The following SDK2 variants were observed in gnomAD, a reference collection of about 807,000 sequenced individuals.
SDK2 encodes sidekick cell adhesion molecule 2.
SDK2 carries 105 observed loss-of-function variants against 253.9 expected under a neutral mutation model. That is an observed-to-expected ratio of 0.41 (90% CI 0.35 to 0.49). The LOEUF (loss-of-function observed/expected upper bound fraction) is 0.49. SDK2 is among the 20% of genes least tolerant of loss of function. The pLI is 0.06. For missense variants in SDK2, 2,608 were observed against 3,003.0 expected, an observed-to-expected ratio of 0.87 and a Z score of 3.07; for synonymous variants, 1,249 against 1,234.9, an observed-to-expected ratio of 1.01 and a Z score of -0.24.
intron 3 of SDK2, among the ~76,000 whole-genome samples, chr17:73,468,968 GTGCA>G (rs2063623973): frequency 6.6e-6 from 1 of 151,740 alleles, no homozygotes; most frequent in African/African-American, 2.4e-5. Context: ...GGGATTAAAG[GTGCA>G]TGCCACCATG....
At chr17:73,515,851 A>G (rs780359931) in intron 1 of SDK2, among the ~76,000 whole-genome samples, 3 of 152,188 alleles carry the variant, frequency 2.0e-5, no homozygotes, top group African/African-American at 7.2e-5. Flanking sequence ...TACCTGTCTC[A>G]TCAGTGAAAC....
chr17:73,523,692 C>T (rs1009066616), intron 1 of SDK2, among the ~76,000 whole-genome samples: 5 of 152,036 alleles, frequency 3.3e-5, no homozygotes, highest in Non-Finnish European at 5.9e-5. Context: ...CAGAACTGCG[C>T]GACAAGAAAT....
chr17:73,608,786 C>G (rs2045938607), intron 1 of SDK2, among the ~76,000 whole-genome samples: 1 of 152,104 alleles, frequency 6.6e-6, no homozygotes, highest in Non-Finnish European at 1.5e-5. Context: ...AGCAGCTGCA[C>G]TAACAGCAGC....
At chr17:73,417,773 G>A (rs1052017810) in intron 16 of SDK2, among the ~76,000 whole-genome samples, 2 of 151,956 alleles carry the variant, frequency 1.3e-5, no homozygotes, top group African/African-American at 2.4e-5. Context: ...CTACCTACTC[G>A]ACCCATTTCT....
rs909191411 is a variant in SDK2, at chr17:73,555,400, G to A, written c.65-47803C>T. On this transcript the variant is annotated intron_variant, in intron 1 of 44. Transcript: ENST00000392650. Reference sequence around the variant, plus strand: ...GGAGTATTCCTGGCCTGGGGGAGGCGCCATTGGGAGCGGTGCACTGGACCT... The same window carrying A: ...GGAGTATTCCTGGCCTGGGGGAGGCACCATTGGGAGCGGTGCACTGGACCT... 6.6e-5 allele frequency among the ~76,000 whole-genome samples: 10 copies of A among 152,200 alleles called. No individual in the cohort carries two copies. The East Asian group carries it at 1.2e-3, about 18-fold the overall frequency.
Position 73,352,900 on chromosome 17 carries a change from T to C in SDK2, c.5594-263A>G, listed in dbSNP as rs950488084. ...TGAGGTTAGGAGTTCGAGACCAGCC[T>C]AGCCAACATGGTGAAACCCTGTCTC... On this transcript the variant is annotated intron_variant, in intron 40 of 44. Coordinates refer to ENST00000392650, the MANE Select transcript of SDK2 (RefSeq NM_001144952.2). The surrounding 1 kb of genome is among the most constrained non-coding windows in gnomAD (Gnocchi z 4.1). 7.2e-5 allele frequency among the ~76,000 whole-genome samples: 11 copies of C among 152,204 alleles called. No homozygotes were observed. Among genetic ancestry groups the C allele is most frequent in the Non-Finnish European group, 1.5e-5 (1 of 68,038 alleles).
chr17:73,463,296 T>C (rs906483743), intron 3 of SDK2, among the ~76,000 whole-genome samples: 3 of 152,212 alleles, frequency 2.0e-5, no homozygotes, highest in Admixed American at 1.3e-4. Flanking sequence ...ATTCCTGATG[T>C]CTTTGTCATA....
chr17:73,630,722 C>T (rs1262910883), intron 1 of SDK2, among the ~76,000 whole-genome samples: 1 of 152,154 alleles, frequency 6.6e-6, no homozygotes, highest in Admixed American at 6.5e-5. Flanking sequence ...CCTGGGGGCA[C>T]AGACAATGGG....
chr17:73,552,045 GTGCCGCTGCAGTCCCCACCGCC>G (rs1364170524), intron 1 of SDK2, among the ~76,000 whole-genome samples: 18 of 152,166 alleles, frequency 1.2e-4, no homozygotes. Context: ...AGTCAGGCAG[GTGCCGCTGCAGTCCCCACCGCC>G]TGCCCCCCAC....
chr17:73,382,855 AACG>A (rs2062842394), intron 33 of SDK2, among the ~76,000 whole-genome samples: 2 of 143,038 alleles, frequency 1.4e-5, no homozygotes, highest in South Asian at 2.1e-4. Context: ...CAACAACAAC[AACG>A]ACAACAACAA....
At chr17:73,530,383 A>G (rs1203909597) in intron 1 of SDK2, among the ~76,000 whole-genome samples, 1 of 152,100 alleles carries the variant, frequency 6.6e-6, no homozygotes. Flanking sequence ...AAAATCATCC[A>G]TCAGCTCTCA....
At chr17:73,627,245 GTTTTCA>G (rs920599989) in intron 1 of SDK2, among the ~76,000 whole-genome samples, 1 of 152,038 alleles carries the variant, frequency 6.6e-6, no homozygotes, top group African/African-American at 2.4e-5. Context: ...AATGCACATT[GTTTTCA>G]TTTTCATATC....
At chr17:73,391,801 T>C (rs2062930480) in intron 27 of SDK2, among the ~76,000 whole-genome samples, 1 of 152,232 alleles carries the variant, frequency 6.6e-6, no homozygotes, top group Admixed American at 6.5e-5. Context: ...ATTGTCTGTA[T>C]ACACGCCCCA....
intron 15 of SDK2, among the ~76,000 whole-genome samples, chr17:73,420,860 G>C (rs1243989778): frequency 6.6e-6 from 1 of 151,772 alleles, no homozygotes; most frequent in African/African-American, 2.4e-5. Flanking sequence ...ATTTTTAGTA[G>C]AGATGGGGTT....
rs114429753 is a variant in SDK2 at position 73,401,111 on chromosome 17, C to T, written c.2880G>A (p.Ala960=). 1,282 of 1,564,726 alleles carry T rather than the reference C, an allele frequency of 8.2e-4. 10 individuals carry two copies. In the African/African-American group the frequency reaches 0.015, roughly 19 times the overall value. Residue 960 remains alanine (A), a synonymous_variant, in exon 21 of 45, where the codon GCG becomes GCA. Coordinates refer to ENST00000392650, the MANE Select transcript of SDK2 (RefSeq NM_001144952.2). Reference sequence around the variant, plus strand: ...CCACCTCGATGGTGTAGGTGGTGAGCGCGGTGAGGCCCGTGACACGGTACT... The same window carrying T: ...CCACCTCGATGGTGTAGGTGGTGAGTGCGGTGAGGCCCGTGACACGGTACT... ...TLEYRVTGLT[A]LTTYTIEVAA... is the part of the protein sequence containing the mutation.
rs117971083 is a variant in SDK2 at position 73,391,617 on chromosome 17, C to T, written c.3899-79G>A. 2,194 of 721,266 alleles carry T rather than the reference C, an allele frequency of 3.0e-3. 52 individuals are homozygous for T. The East Asian group carries it at 0.048, about 16-fold the overall frequency. The allele number at this position is 721,266 out of a possible 1,614,324, so 44.7% of individuals were successfully genotyped here. ...GATGAGCCCAGCTCGGGCAGAGCAGCCTGGCAGGGTGGAGGGGGAAGGGGC... is the reference window on the plus strand; with the variant it reads ...GATGAGCCCAGCTCGGGCAGAGCAGTCTGGCAGGGTGGAGGGGGAAGGGGC... On this transcript the variant is annotated intron_variant, in intron 27 of 44. Transcript: ENST00000392650.
chr17:73,449,659 G>C (rs1392784104), intron 4 of SDK2, among the ~76,000 whole-genome samples: 1 of 130,986 alleles, frequency 7.6e-6, no homozygotes, highest in East Asian at 2.2e-4. Flanking sequence ...AGTGGCTCAC[G>C]CCTGTAATCC....
At chr17:73,507,410 G>T (rs767200614) in intron 2 of SDK2, 28 bp downstream of exon 2, 4 of 1,542,376 alleles carry the variant, frequency 2.6e-6, no homozygotes, top group Non-Finnish European at 3.5e-6. Context: ...CTGGCAGCCA[G>T]GAGGAAGGGC....
intron 1 of SDK2, among the ~76,000 whole-genome samples, chr17:73,634,058 G>A (rs1420780300): frequency 6.6e-6 from 1 of 152,184 alleles, no homozygotes; most frequent in Non-Finnish European, 1.5e-5. Flanking sequence ...CTAAGAGCAA[G>A]GGCGTGATAA....
Sources: allele counts gnomAD v4.1 joint callset (sites outside exome capture counted in the v4.1 genomes callset), GRCh38; gene constraint gnomAD v4.1.1; non-coding constraint Gnocchi (gnomAD v3.1); transcripts MANE v1.5; gene names NCBI Gene and HGNC (gene_info 2026-07-23, HGNC 2026-07-21).